Variants in SLC26A3 observed in about 807,000 individuals in gnomAD.
SLC26A3 encodes the protein solute carrier family 26 member 3, also known as chloride anion exchanger.
In SLC26A3, 64 loss-of-function variants were observed where a neutral mutation model predicts 85.6. The ratio of observed to expected loss-of-function variants is 0.75; its 90% confidence interval spans 0.61 to 0.92. The LOEUF (loss-of-function observed/expected upper bound fraction) is 0.92, where lower values mean the gene tolerates loss of function less well. SLC26A3 is among the 40% of genes least tolerant of loss of function. The pLI is 0.00. For synonymous variants in SLC26A3, 349 were observed against 336.0 expected (o/e 1.04, Z -0.42); for missense variants, 922 against 927.3 (o/e 0.99, Z 0.07).
At position 107,789,513 on chromosome 7, in the gene SLC26A3, G is replaced by C. The variant is rs747394368; in HGVS notation, c.735+11C>G. On this transcript the variant is annotated intron_variant, in intron 6 of 20. Coordinates refer to ENST00000340010, the MANE Select transcript of SLC26A3 (RefSeq NM_000111.3). ...GTATTTCAGTATTTTTTAGGTGAAA[G>C]AAATACTTACTTTGAAAATTGAAAC... The C allele has an allele frequency of 4.3e-6, 7 of 1,611,740 alleles. No homozygotes were observed. The South Asian group carries it at 7.7e-5, about 18-fold the overall frequency.
At chr7:107,773,017 G>C (rs769278057) in intron 17 of SLC26A3, among the ~76,000 whole-genome samples, 31 of 152,098 alleles carry the variant, frequency 2.0e-4, no homozygotes, top group Non-Finnish European at 4.1e-4. Context: ...GAAAGATGTA[G>C]AATTTCTTAA....
chr7:107,803,035 C>A (rs1258252111), intron 1 of SLC26A3, 76 bp downstream of exon 1: 1 of 152,232 alleles, frequency 6.6e-6, no homozygotes, highest in Non-Finnish European at 1.5e-5. Context: ...CCTAAATAGG[C>A]TTTGATCAGA....
intron 16 of SLC26A3, 136 bp from the exon 17 acceptor site, chr7:107,774,289 T>C: frequency 2.7e-6 from 2 of 748,868 alleles, no homozygotes; most frequent in Middle Eastern, 3.5e-4. Context: ...TGGTGGCTCA[T>C]GCCTGTCATC....
At chr7:107,796,817 T>A (rs1367377509) in intron 1 of SLC26A3, among the ~76,000 whole-genome samples, 3 of 152,162 alleles carry the variant, frequency 2.0e-5, no homozygotes, top group East Asian at 3.9e-4. Flanking sequence ...CATTTGTACT[T>A]CTGTCAGATG....
Position 107,791,879 on chromosome 7 carries a change from G to T in SLC26A3, c.333C>A (p.Phe111Leu). Residue 111 changes from phenylalanine (F) to leucine (L), a missense_variant, in exon 4 of 21, where the codon TTC becomes TTA. Coordinates refer to ENST00000340010, the MANE Select transcript of SLC26A3 (RefSeq NM_000111.3). ...PPVYGLYASF[F>L]PAIIYLFFGT... Reference sequence around the variant, plus strand: ...CGAAGAAAAGGTAGATTATGGCTGGGAAAAAGGATGCATACAACCCATAGA... The same window carrying T: ...CGAAGAAAAGGTAGATTATGGCTGGTAAAAAGGATGCATACAACCCATAGA... The T allele has an allele frequency of 1.2e-6, 2 of 1,613,730 alleles. No individual in the cohort carries two copies. The highest frequency in any genetic ancestry group is 1.7e-6 in the Non-Finnish European group (2 of 1,179,722).
At chr7:107,795,081 T>C (rs548822969) in intron 1 of SLC26A3, among the ~76,000 whole-genome samples, 1 of 152,368 alleles carries the variant, frequency 6.6e-6, no homozygotes, top group South Asian at 2.1e-4. Flanking sequence ...ATTTCAGTTA[T>C]TTCCTTATTG....
chr7:107,783,298 A>G lies in SLC26A3; in HGVS notation c.1026T>C (p.Asp342=), dbSNP rs148961545. The change falls in exon 9 of 21, where the codon GAT becomes GAC. Residue 342 remains aspartate (D), a synonymous_variant. Transcript: ENST00000340010. ...DVETFQNTVG[D]CFGIAMVAFA... ...ATGCAACCATTGCGATGCCGAAGCA[A>G]TCTCCTACGGTGTTTTGGAAAGTCT... 3.7e-6 allele frequency: 6 copies of G among 1,614,214 alleles called. No individual in the cohort carries two copies. The highest frequency in any genetic ancestry group is 5.1e-6 in the Non-Finnish European group (6 of 1,180,018).
At chr7:107,786,750 C>T (rs1449576018) in intron 8 of SLC26A3, 77 bp downstream of exon 8, 7 of 1,224,016 alleles carry the variant, frequency 5.7e-6, no homozygotes, top group African/African-American at 3.0e-5. Context: ...AACTGCAGTT[C>T]GGATTGTACC....
intron 17 of SLC26A3, among the ~76,000 whole-genome samples, chr7:107,772,382 TAAG>T (rs1380853916): frequency 1.3e-5 from 2 of 152,172 alleles, no homozygotes; most frequent in African/African-American, 4.8e-5. Context: ...CTCAAACTCA[TAAG>T]AACAACTCTG....
rs148987506 is a variant in SLC26A3 at position 107,783,790 on chromosome 7, A to G, written c.972-438T>C. On this transcript the variant is annotated intron_variant, in intron 8 of 20. Coordinates refer to ENST00000340010, the MANE Select transcript of SLC26A3 (RefSeq NM_000111.3). ...AGGAAAGCAAAAAAGTCTTCTTTCC[A>G]TTGATAATAATAACCTTTCATGGAA... Among the ~76,000 whole-genome samples the G allele has an allele frequency of 3.3e-5, 5 of 152,340 alleles. No individual in the cohort carries two copies. In the East Asian group the frequency reaches 7.7e-4, roughly 23 times the overall value.
chr7:107,791,785 AG>A (rs1391099105), intron 4 of SLC26A3, 44 bp downstream of exon 4: 14 of 1,237,214 alleles, frequency 1.1e-5, no homozygotes, highest in Admixed American at 1.7e-5. Context: ...AAAATTCATA[AG>A]GAAAAAACAA....
rs1794405655 is a variant in SLC26A3, at chr7:107,791,721, T to C, written c.382+109A>G. ...TGGTCCTAATTCTCACAGGAGACCA[T>C]GACTCTTCTCCTGGATTATGTGAAA... On this transcript the variant is annotated intron_variant, in intron 4 of 20. Transcript: ENST00000340010. 5 of 762,984 alleles carry C rather than the reference T, an allele frequency of 6.6e-6. No homozygotes were observed. The Admixed American group carries it at 9.9e-5, about 15-fold the overall frequency. 47.3% of individuals were successfully genotyped at this position (762,984 alleles called of 1,614,324 possible).
intron 1 of SLC26A3, 25 bp downstream of exon 1, chr7:107,803,086 T>A (rs1489662038): frequency 6.6e-6 from 1 of 152,312 alleles, no homozygotes; most frequent in Non-Finnish European, 1.5e-5. Flanking sequence ...AGTTTGAATA[T>A]AACAATCATA....
intron 1 of SLC26A3, among the ~76,000 whole-genome samples, chr7:107,796,593 C>T (rs1794504642): frequency 6.6e-6 from 1 of 152,190 alleles, no homozygotes; most frequent in African/African-American, 2.4e-5. Flanking sequence ...GTGACTTGTG[C>T]ATTGCTGTGC....
intron 18 of SLC26A3, 104 bp downstream of exon 18, chr7:107,771,950 T>G (rs1160025159): frequency 1.3e-6 from 1 of 799,098 alleles, no homozygotes; most frequent in Non-Finnish European, 2.2e-6. Context: ...ATTTTCATCA[T>G]GATTATATAA....
At chr7:107,781,625 C>A (rs1225270044) in intron 11 of SLC26A3, among the ~76,000 whole-genome samples, 1 of 152,000 alleles carries the variant, frequency 6.6e-6, no homozygotes, top group African/African-American at 2.4e-5. Flanking sequence ...TCCTTTTATG[C>A]CACTTATTTT....
intron 12 of SLC26A3, among the ~76,000 whole-genome samples, chr7:107,779,380 G>A (rs984494149): frequency 6.6e-6 from 1 of 152,162 alleles, no homozygotes; most frequent in Non-Finnish European, 1.5e-5. Context: ...TGTGGTACTT[G>A]GGATTACTGC....
chr7:107,796,486 A>G (rs1025865884), intron 1 of SLC26A3, among the ~76,000 whole-genome samples: 2 of 151,884 alleles, frequency 1.3e-5, no homozygotes, highest in Non-Finnish European at 2.9e-5. Flanking sequence ...TTTTGTTTCC[A>G]TTCCCTCTTC....
rs374430559 is a variant in SLC26A3 at position 107,786,244 on chromosome 7, A to G, written c.971+583T>C. On this transcript the variant is annotated intron_variant, in intron 8 of 20. Coordinates refer to ENST00000340010, the MANE Select transcript of SLC26A3 (RefSeq NM_000111.3). ...ACATATTGTTTATAGTAATTTATGGACAAGGAAATCTGGTTTCACTTGATG... is the reference window on the plus strand; with the variant it reads ...ACATATTGTTTATAGTAATTTATGGGCAAGGAAATCTGGTTTCACTTGATG... Among the ~76,000 whole-genome samples, 41 of 152,288 alleles carry G rather than the reference A, an allele frequency of 2.7e-4. 1 individual carries two copies. In the East Asian group the frequency reaches 4.2e-3, roughly 16 times the overall value.
Sources: allele counts gnomAD v4.1 joint callset (sites outside exome capture counted in the v4.1 genomes callset), GRCh38; gene constraint gnomAD v4.1.1; transcripts MANE v1.5; gene names NCBI Gene and HGNC (gene_info 2026-07-23, HGNC 2026-07-21).